The following CDC123 variants were observed in gnomAD, a reference collection of about 807,000 sequenced individuals.
CDC123 encodes the protein translation initiation factor eIF2 assembly protein.
CDC123 carries 37 observed loss-of-function variants against 54.4 expected under a neutral mutation model. That is an observed-to-expected ratio of 0.68 (90% CI 0.52 to 0.89). The LOEUF is 0.89. Among genes scored for constraint, CDC123 ranks in the 40% least tolerant of loss-of-function variants. CDC123 has a pLI of 0.00. For missense variants in CDC123, 361 were observed against 412.1 expected (o/e 0.88, Z 1.07); for synonymous variants, 144 against 136.8 (o/e 1.05, Z -0.37).
intron 1 of CDC123, among the ~76,000 whole-genome samples, chr10:12,198,233 G>A (rs113230946): frequency 6.6e-6 from 1 of 152,180 alleles, no homozygotes; most frequent in Non-Finnish European, 1.5e-5. Flanking sequence ...AAAGTATCAT[G>A]AATTCTTAGC....
At chr10:12,244,990 CAG>C in intron 10 of CDC123, 1 of 152,456 alleles carries the variant, frequency 6.6e-6, no homozygotes, top group East Asian at 1.9e-4. Context: ...TCCTGGGCAA[CAG>C]AGTGAGACTC....
intron 8 of CDC123, 125 bp downstream of exon 8, chr10:12,235,248 C>A: frequency 1.4e-6 from 1 of 737,312 alleles, no homozygotes; most frequent in Non-Finnish European, 2.3e-6. Context: ...TCTCAGATGC[C>A]ACCTCTAACC....
chr10:12,218,013 C>T (rs903993845), intron 6 of CDC123, among the ~76,000 whole-genome samples: 54 of 152,132 alleles, frequency 3.5e-4, no homozygotes, highest in African/African-American at 6.5e-4. Flanking sequence ...GGCTTGAACC[C>T]GGGAGGCGGA....
intron 11 of CDC123, 134 bp from the exon 12 acceptor site, chr10:12,249,447 C>A: frequency 1.1e-6 from 1 of 904,682 alleles, no homozygotes; most frequent in Non-Finnish European, 1.7e-6. Context: ...TTAACTTAAG[C>A]ATCTTCCTTT....
chr10:12,248,161 A>G (rs1310242676), intron 11 of CDC123, among the ~76,000 whole-genome samples: 1 of 152,222 alleles, frequency 6.6e-6, no homozygotes, highest in Non-Finnish European at 1.5e-5. Context: ...ATACTCAATT[A>G]CATGTCCTGA....
At chr10:12,223,580 C>T (rs979655871) in intron 6 of CDC123, among the ~76,000 whole-genome samples, 11 of 152,180 alleles carry the variant, frequency 7.2e-5, no homozygotes, top group African/African-American at 2.2e-4. Context: ...GCCACTACAC[C>T]GGGCCTAATT....
intron 4 of CDC123, among the ~76,000 whole-genome samples, chr10:12,212,387 A>G (rs1835614272): frequency 6.6e-6 from 1 of 152,248 alleles, no homozygotes; most frequent in Non-Finnish European, 1.5e-5. Context: ...ATGATGTGAC[A>G]TGACAAAAAG....
intron 2 of CDC123, 22 bp from the exon 3 acceptor site, chr10:12,209,945 A>G: frequency 6.2e-7 from 1 of 1,613,366 alleles, no homozygotes. Context: ...TTCTTTCTTG[A>G]TGTTTGTTTG....
In CDC123 at chr10:12,224,830, C is replaced by T. The variant is rs936735937; in HGVS notation, c.441-6118C>T. ...TTTTCTTGAGACGGAGCCTTTTTGT[C>T]GTGGGAAATGTGCTGAGTCCTCCAG... is the stretch of plus-strand genomic sequence containing the variant. On this transcript the variant is annotated intron_variant, in intron 6 of 12. Transcript: ENST00000281141. Among the ~76,000 whole-genome samples, 5 of 151,894 alleles carry T rather than the reference C, an allele frequency of 3.3e-5. No individual in the cohort carries two copies. In the East Asian group the frequency reaches 5.8e-4, roughly 18 times the overall value.
intron 2 of CDC123, among the ~76,000 whole-genome samples, chr10:12,200,421 C>T (rs575914571): frequency 1.5e-4 from 23 of 152,050 alleles, no homozygotes; most frequent in African/African-American, 5.3e-4. Context: ...CCACTGTGCC[C>T]AGTCAGTTTT....
At chr10:12,239,804 C>T (rs910984872) in intron 10 of CDC123, among the ~76,000 whole-genome samples, 3 of 151,310 alleles carry the variant, frequency 2.0e-5, no homozygotes, top group Non-Finnish European at 2.9e-5. Context: ...GTCAGGAGAT[C>T]GAGACCATCC....
At chr10:12,224,831 G>A (rs771579953) in intron 6 of CDC123, among the ~76,000 whole-genome samples, 12 of 152,138 alleles carry the variant, frequency 7.9e-5, no homozygotes, top group East Asian at 1.9e-4. Context: ...CCTTTTTGTC[G>A]TGGGAAATGT....
At chr10:12,241,648 GTTTA>G (rs1836059031) in intron 10 of CDC123, among the ~76,000 whole-genome samples, 1 of 152,090 alleles carries the variant, frequency 6.6e-6, no homozygotes, top group Admixed American at 6.6e-5. Flanking sequence ...TTGTAAATCA[GTTTA>G]TTTATTTACT....
At chr10:12,199,149 C>G (rs1333797236) in intron 2 of CDC123, among the ~76,000 whole-genome samples, 3 of 152,120 alleles carry the variant, frequency 2.0e-5, no homozygotes, top group Admixed American at 2.0e-4. Context: ...CATCTAATTC[C>G]TCAACATTTT....
intron 6 of CDC123, among the ~76,000 whole-genome samples, chr10:12,226,066 A>G (rs1053266031): frequency 1.3e-5 from 2 of 152,086 alleles, no homozygotes; most frequent in African/African-American, 2.4e-5. Context: ...TTCAGAGAGC[A>G]CGGGGTTGGG....
intron 2 of CDC123, among the ~76,000 whole-genome samples, chr10:12,202,582 G>A (rs1356925474): frequency 6.6e-6 from 1 of 152,250 alleles, no homozygotes; most frequent in Non-Finnish European, 1.5e-5. Flanking sequence ...TCTGATGTCA[G>A]CTGCAAGCCC....
chr10:12,198,508 C>T (rs1835394925), intron 1 of CDC123, among the ~76,000 whole-genome samples, 197 bp from the exon 2 acceptor site: 1 of 152,140 alleles, frequency 6.6e-6, no homozygotes, highest in Admixed American at 6.5e-5. Flanking sequence ...ACTACAAAGA[C>T]CATTGTGGCA....
At chr10:12,201,508 G>C (rs1835438901) in intron 2 of CDC123, among the ~76,000 whole-genome samples, 2 of 152,206 alleles carry the variant, frequency 1.3e-5, no homozygotes, top group South Asian at 4.2e-4. Context: ...CTTCCAGGTG[G>C]GGGGAACAGC....
At chr10:12,196,474 G>T (rs1835348528) in intron 1 of CDC123, among the ~76,000 whole-genome samples, 155 bp downstream of exon 1, 1 of 152,318 alleles carries the variant, frequency 6.6e-6, no homozygotes, top group South Asian at 2.1e-4. Flanking sequence ...TCTGCGTCCT[G>T]TTGCGAGCCA....
Sources: allele counts gnomAD v4.1 joint callset (sites outside exome capture counted in the v4.1 genomes callset), GRCh38; gene constraint gnomAD v4.1.1; transcripts MANE v1.5; gene names NCBI Gene and HGNC (gene_info 2026-07-23, HGNC 2026-07-21).